SDK1: variants seen among roughly 807,000 people sequenced by gnomAD.
SDK1 encodes protein sidekick-1.
SDK1 carries 157 observed loss-of-function variants against 245.5 expected under a neutral mutation model. That is an observed-to-expected ratio of 0.64 (90% CI 0.56 to 0.73). The LOEUF (loss-of-function observed/expected upper bound fraction) is 0.73, where lower values mean the gene tolerates loss of function less well. Ranked by LOEUF, SDK1 falls within the 30% of genes least tolerant of loss-of-function variation. The pLI, the probability that SDK1 is intolerant of heterozygous loss-of-function variation, is 0.00. For missense variants in SDK1, 3,583 were observed against 3,002.3 expected, an observed-to-expected ratio of 1.19 and a Z score of -4.52; for synonymous variants, 1,647 against 1,278.5, an observed-to-expected ratio of 1.29 and a Z score of -6.15.
Position 3,471,133 on chromosome 7 carries a change from C to A in SDK1, c.299-147947C>A, listed in dbSNP as rs148971877. Among the ~76,000 whole-genome samples, 420 of 152,198 alleles carry A rather than the reference C, an allele frequency of 2.8e-3. 3 individuals carry two copies. Among genetic ancestry groups the A allele is most frequent in the African/African-American group, 9.7e-3 (404 of 41,540 alleles). On this transcript the variant is annotated intron_variant, in intron 1 of 44. Coordinates refer to ENST00000404826, the MANE Select transcript of SDK1 (RefSeq NM_152744.4). The stretch of plus-strand genomic sequence containing the variant: ...GGTAACATTTTGATGTCCTTCATTT[C>A]CTTAATTAGTTTAGGAAAACTATTT...
Position 4,210,104 on chromosome 7 carries a change from G to T in SDK1, c.5481G>T (p.Ala1827=). The T allele has an allele frequency of 6.2e-7, 1 of 1,610,156 alleles. No individual in the cohort carries two copies. Among genetic ancestry groups the T allele is most frequent in the Non-Finnish European group, 8.5e-7 (1 of 1,178,484 alleles). Residue 1827 remains alanine (A), a synonymous_variant, in exon 38 of 45, where the codon GCG becomes GCT. Coordinates refer to ENST00000404826, the MANE Select transcript of SDK1 (RefSeq NM_152744.4). ...ACGTGTCCTGGGGCGAGCCTGCGGC[G>T]GCCAACGGCATCCTGCAGGGCTATC... is the stretch of plus-strand genomic sequence containing the variant. ...TLNVSWGEPA[A]ANGILQGYRV...
At chr7:3,719,569 G>A (rs1162261654) in intron 4 of SDK1, among the ~76,000 whole-genome samples, 2 of 152,176 alleles carry the variant, frequency 1.3e-5, no homozygotes, top group African/African-American at 4.8e-5. Flanking sequence ...AATAATTGTA[G>A]CTGGAGCACT....
chr7:4,139,072 C>T (rs149314070), intron 28 of SDK1, among the ~76,000 whole-genome samples: 15 of 152,344 alleles, frequency 9.8e-5, no homozygotes, highest in African/African-American at 3.4e-4. Flanking sequence ...GTGTTGGGGA[C>T]GAGGCTAACA....
intron 22 of SDK1, among the ~76,000 whole-genome samples, chr7:4,103,500 G>A (rs1782708248): frequency 6.6e-6 from 1 of 152,194 alleles, no homozygotes; most frequent in African/African-American, 2.4e-5. Flanking sequence ...AGACAAAAAT[G>A]TAAACCTTTT....
chr7:3,719,630 C>G (rs1214554855), intron 4 of SDK1, among the ~76,000 whole-genome samples: 1 of 152,108 alleles, frequency 6.6e-6, no homozygotes, highest in Non-Finnish European at 1.5e-5. Context: ...GTTCATATTT[C>G]ATTAAAAAGA....
chr7:4,061,442 A>T (rs1779532343), intron 19 of SDK1, among the ~76,000 whole-genome samples: 1 of 152,150 alleles, frequency 6.6e-6, no homozygotes, highest in African/African-American at 2.4e-5. Flanking sequence ...ATACCATCTC[A>T]CACCAGTTAG....
At chr7:3,590,037 T>A (rs768057534) in intron 1 of SDK1, among the ~76,000 whole-genome samples, 2 of 152,206 alleles carry the variant, frequency 1.3e-5, no homozygotes, top group African/African-American at 4.8e-5. Context: ...GTTACAGTGA[T>A]TGGAAAATTA....
intron 4 of SDK1, among the ~76,000 whole-genome samples, chr7:3,703,207 T>C (rs1301047834): frequency 6.6e-6 from 1 of 152,090 alleles, no homozygotes; most frequent in Non-Finnish European, 1.5e-5. Context: ...AAATTGGAAA[T>C]AACCCACGTA....
intron 4 of SDK1, among the ~76,000 whole-genome samples, chr7:3,662,903 A>T (rs1365160363): frequency 6.6e-6 from 1 of 152,042 alleles, no homozygotes; most frequent in African/African-American, 2.4e-5. Context: ...GATACTTGAA[A>T]TCTGAAAAAA....
At chr7:4,090,128 G>A (rs553101800) in intron 22 of SDK1, among the ~76,000 whole-genome samples, 20 of 152,258 alleles carry the variant, frequency 1.3e-4, no homozygotes, top group South Asian at 8.3e-4. Flanking sequence ...GGCATGTCCC[G>A]TTGTTAGTCC....
intron 1 of SDK1, among the ~76,000 whole-genome samples, chr7:3,345,440 A>C (rs1780466366): frequency 6.6e-6 from 1 of 152,314 alleles, no homozygotes; most frequent in East Asian, 1.9e-4. Flanking sequence ...AATTACGTAA[A>C]ATCCTACTCA....
At chr7:3,371,891 G>C (rs1207560750) in intron 1 of SDK1, among the ~76,000 whole-genome samples, 2 of 152,186 alleles carry the variant, frequency 1.3e-5, no homozygotes, top group African/African-American at 2.4e-5. Flanking sequence ...TTTCTACTTA[G>C]ATCTATCCTC....
chr7:4,149,323 C>T lies in SDK1; in HGVS notation c.4485C>T (p.Leu1495=), dbSNP rs267601511. 6.3e-7 allele frequency: 1 copy of T among 1,592,100 alleles called. No homozygotes were observed. Among genetic ancestry groups the T allele is most frequent in the Non-Finnish European group, 8.6e-7 (1 of 1,169,484 alleles). ...AGGCAGAAGTGACCGCACGCAGCCTCCGGCTCCAGTGGGTCCCGGGCAGCG... is the reference window on the plus strand; with the variant it reads ...AGGCAGAAGTGACCGCACGCAGCCTTCGGCTCCAGTGGGTCCCGGGCAGCG... ...VPQAEVTARS[L]RLQWVPGSDG... is the part of the protein sequence containing the mutation. Residue 1495 remains leucine, a synonymous_variant, in exon 30 of 45, where the codon CTC becomes CTT. Transcript: ENST00000404826.
intron 7 of SDK1, among the ~76,000 whole-genome samples, chr7:3,952,353 C>T (rs542108173): frequency 3.9e-5 from 6 of 152,132 alleles, no homozygotes; most frequent in Admixed American, 1.3e-4. Context: ...CCAAGGTGGG[C>T]GGATCACTTG....
At chr7:4,146,650 G>T (rs1780004116) in intron 29 of SDK1, among the ~76,000 whole-genome samples, 2 of 152,220 alleles carry the variant, frequency 1.3e-5, no homozygotes, top group African/African-American at 4.8e-5. Flanking sequence ...GCAGCCCCCA[G>T]TCTCTGATGT....
intron 32 of SDK1, among the ~76,000 whole-genome samples, chr7:4,164,480 C>G (rs1321808759): frequency 6.6e-6 from 1 of 152,216 alleles, no homozygotes; most frequent in Non-Finnish European, 1.5e-5. Flanking sequence ...AATGGAAATG[C>G]AAAGTCCCAA....
intron 1 of SDK1, among the ~76,000 whole-genome samples, chr7:3,441,691 A>G (rs959670866): frequency 3.3e-5 from 5 of 152,198 alleles, no homozygotes; most frequent in African/African-American, 1.2e-4. Flanking sequence ...GTTTCTACCA[A>G]AAGATATCCT....
chr7:3,994,090 C>T (rs182741512), intron 14 of SDK1, among the ~76,000 whole-genome samples: 11 of 152,156 alleles, frequency 7.2e-5, no homozygotes, highest in African/African-American at 1.4e-4. Context: ...GCATTCCCTG[C>T]TTTGTCTCAC....
intron 1 of SDK1, among the ~76,000 whole-genome samples, chr7:3,326,850 C>T (rs1019873743): frequency 6.6e-6 from 1 of 152,064 alleles, no homozygotes; most frequent in Non-Finnish European, 1.5e-5. Context: ...TGTCATTTAA[C>T]CTGTGATACC....
Sources: allele counts gnomAD v4.1 joint callset (sites outside exome capture counted in the v4.1 genomes callset), GRCh38; gene constraint gnomAD v4.1.1; transcripts MANE v1.5; gene names NCBI Gene and HGNC (gene_info 2026-07-23, HGNC 2026-07-21).